The following SRRM1 variants were observed in gnomAD, a reference collection of about 807,000 sequenced individuals.
The protein encoded by SRRM1 is serine/arginine repetitive matrix protein 1.
SRRM1 carries 19 observed loss-of-function variants against 110.2 expected under a neutral mutation model. That is an observed-to-expected ratio of 0.17 (90% confidence interval 0.12 to 0.25). The LOEUF (loss-of-function observed/expected upper bound fraction) is 0.25. Among genes scored for constraint, SRRM1 ranks in the 10% least tolerant of loss-of-function variants. The probability of loss-of-function intolerance (pLI) is 1.00; values close to 1 mark genes in which losing one functional copy is unlikely to be tolerated. For synonymous variants in SRRM1, 443 were observed against 414.9 expected, an observed-to-expected ratio of 1.07 and a Z score of -0.82; for missense variants, 918 against 1,145.8, an observed-to-expected ratio of 0.80 and a Z score of 2.87.
intron 12 of SRRM1, among the ~76,000 whole-genome samples, chr1:24,664,690 C>T (rs1458604789): frequency 6.6e-6 from 1 of 152,154 alleles, no homozygotes; most frequent in Non-Finnish European, 1.5e-5. Context: ...GGGGTATTTA[C>T]ACTGTGGAGG....
Position 24,650,056 on chromosome 1 carries a change from A to G in SRRM1, c.491A>G (p.Glu164Gly). 1 of 1,591,104 alleles carries G rather than the reference A, an allele frequency of 6.3e-7. No individual in the cohort carries two copies. The highest frequency in any genetic ancestry group is 2.3e-5 in the East Asian group (1 of 44,442). ...RDKEEKESSR[E>G]KRERSRSPRR... ...AAGGAAGAAAAAGAAAGCAGCAGAG[A>G]AAAAAGGGAGCGGTCTCGTAGCCCA... Residue 164 changes from glutamate to glycine, a missense_variant, in exon 5 of 17, where the codon GAA becomes GGA. Coordinates refer to ENST00000323848, the MANE Select transcript of SRRM1 (RefSeq NM_005839.4).
Position 24,662,774 on chromosome 1 carries a change from C to T in SRRM1, c.1598C>T (p.Pro533Leu), listed in dbSNP as rs1414733710. 6.2e-7 allele frequency: 1 copy of T among 1,614,046 alleles called. No individual in the cohort carries two copies. Among genetic ancestry groups the T allele is most frequent in the Non-Finnish European group, 8.5e-7 (1 of 1,180,018 alleles). The change falls in exon 12 of 17, where the codon CCA becomes CTA. Residue 533 changes from proline (P) to leucine (L), a missense_variant. Pro to Leu is a moderately conservative substitution (Grantham distance 98, BLOSUM62 -3). Around this residue, in one of 5 missense-constraint regions of SRRM1, gnomAD observed 357 missense variants for 402.9 expected, o/e 0.89. Coordinates refer to ENST00000323848, the MANE Select transcript of SRRM1 (RefSeq NM_005839.4). ...HSPSRSASPS[P>L]RKRQKETSPR... ...CCTTCCCGGAGTGCTTCTCCATCAC[C>T]ACGAAAGCGCCAAAAAGAGACTTCC... is the stretch of plus-strand genomic sequence containing the variant.
intron 12 of SRRM1, chr1:24,663,015 A>G: frequency 7.8e-6 from 7 of 901,152 alleles, no homozygotes; most frequent in Admixed American, 3.0e-5. Flanking sequence ...TTAAACCACC[A>G]TGTCATATAT....
At chr1:24,657,618 G>A (rs1400218176) in intron 9 of SRRM1, among the ~76,000 whole-genome samples, 2 of 152,182 alleles carry the variant, frequency 1.3e-5, no homozygotes, top group African/African-American at 4.8e-5. Context: ...AAATGGAGTG[G>A]GAGGGAGGCA....
At chr1:24,667,963 C>CTTTT (rs1670814766) in intron 13 of SRRM1, among the ~76,000 whole-genome samples, 2 of 117,728 alleles carry the variant, frequency 1.7e-5, no homozygotes, top group Non-Finnish European at 3.4e-5. Context: ...CATGCTGCCA[C>CTTTT]TCTTTTTTTT....
intron 7 of SRRM1, 61 bp from the exon 8 acceptor site, chr1:24,652,852 C>CT: frequency 6.5e-7 from 1 of 1,533,536 alleles, no homozygotes; most frequent in Non-Finnish European, 8.8e-7. Flanking sequence ...ATTGAGAAAA[C>CT]TAAGCCAAGA....
At chr1:24,661,798 T>TA (rs1290060797) in intron 11 of SRRM1, among the ~76,000 whole-genome samples, 1 of 152,108 alleles carries the variant, frequency 6.6e-6, no homozygotes, top group Non-Finnish European at 1.5e-5. Context: ...CTTTCCCTAT[T>TA]AAAAATCTAG....
intron 3 of SRRM1, 57 bp downstream of exon 3, chr1:24,646,846 T>C: frequency 6.9e-7 from 1 of 1,454,154 alleles, no homozygotes; most frequent in Non-Finnish European, 9.2e-7. Context: ...TGTGAATCTT[T>C]GGAAACTGAA....
intron 9 of SRRM1, among the ~76,000 whole-genome samples, chr1:24,657,822 G>A (rs1297864104): frequency 2.6e-5 from 4 of 152,294 alleles, no homozygotes; most frequent in African/African-American, 7.2e-5. Context: ...GGTGGTGACG[G>A]TGTGGTAATT....
rs879034638 is a variant in SRRM1, at chr1:24,662,943, C to CTGTTT, written c.1628+151_1628+155dup. 35 of 1,251,808 alleles carry CTGTTT rather than the reference C, an allele frequency of 2.8e-5. No individual in the cohort carries two copies. The Admixed American group carries it at 8.0e-4, about 29-fold the overall frequency. 77.5% of individuals were successfully genotyped at this position (1,251,808 alleles called of 1,614,324 possible). On this transcript the variant is annotated intron_variant, in intron 12 of 16. Transcript: ENST00000323848. ...GATTTTTGTTTGCTTTTTAGGGTTT[C>CTGTTT]TGTTTTGTTTTGTTTTTGCTTTATT...
intron 12 of SRRM1, chr1:24,663,036 T>C: frequency 1.1e-6 from 1 of 932,338 alleles, no homozygotes; most frequent in Non-Finnish European, 1.6e-6. Context: ...GTGTGCATGA[T>C]TAGAAAAATA....
intron 1 of SRRM1, among the ~76,000 whole-genome samples, chr1:24,644,434 T>C (rs1234323308): frequency 6.6e-6 from 1 of 152,234 alleles, no homozygotes; most frequent in African/African-American, 2.4e-5. Flanking sequence ...CTCTTCTCTT[T>C]AGAGCATGTA....
At chr1:24,646,932 C>A in intron 3 of SRRM1, 143 bp downstream of exon 3, 1 of 633,410 alleles carries the variant, frequency 1.6e-6, no homozygotes, top group Non-Finnish European at 2.5e-6. Flanking sequence ...TTGTAAACAA[C>A]TATTAAGGCT....
At position 24,670,233 on chromosome 1, in the gene SRRM1, C is replaced by G. The variant is rs200488866; in HGVS notation, c.2318C>G (p.Ser773Cys). The change falls in exon 15 of 17, where the codon TCT becomes TGT. Residue 773 changes from serine to cysteine, a missense_variant. Ser to Cys is a moderately radical substitution (Grantham distance 112). This residue lies in a region of SRRM1 where 357 missense variants were observed against 402.9 expected (regional missense o/e 0.89). Transcript: ENST00000323848. ...CCAGCACCTCCATCCCCCGTCCAGT[C>G]TCAGTCACCGTCTACAAACTGGTCA... ...KPPAPPSPVQSQSPSTNWSPA... is the reference protein window; with the variant it reads ...KPPAPPSPVQCQSPSTNWSPA... 4.5e-5 allele frequency: 72 copies of G among 1,614,150 alleles called. No homozygotes were observed. In the Admixed American group the frequency reaches 9.8e-4, roughly 22 times the overall value.
intron 11 of SRRM1, among the ~76,000 whole-genome samples, chr1:24,661,788 C>T (rs368944549): frequency 1.3e-5 from 2 of 152,152 alleles, no homozygotes; most frequent in South Asian, 2.1e-4. Context: ...TTTAGAACAT[C>T]TTTCCCTATT....
At chr1:24,657,883 T>TA (rs1665057056) in intron 9 of SRRM1, among the ~76,000 whole-genome samples, 1 of 152,218 alleles carries the variant, frequency 6.6e-6, no homozygotes, top group Non-Finnish European at 1.5e-5. Context: ...TCTGGACACT[T>TA]AAATGGTTAT....
chr1:24,651,496 C>T lies in SRRM1; in HGVS notation c.609C>T (p.His203=). The T allele has an allele frequency of 6.2e-7, 1 of 1,614,172 alleles. No individual in the cohort carries two copies. The highest frequency in any genetic ancestry group is 1.1e-5 in the South Asian group (1 of 91,086). ...GCAGTCATTCTCGATCTCCCCGTCACAGAACCAAGAGCCGGAGTCCTTCCC... is the reference window on the plus strand; with the variant it reads ...GCAGTCATTCTCGATCTCCCCGTCATAGAACCAAGAGCCGGAGTCCTTCCC... ...RKRSHSRSPR[H]RTKSRSPSPA... Residue 203 remains histidine, a synonymous_variant, in exon 6 of 17, where the codon CAC becomes CAT. Coordinates refer to ENST00000323848, the MANE Select transcript of SRRM1 (RefSeq NM_005839.4).
At chr1:24,643,662 C>T in intron 1 of SRRM1, 1 of 370,934 alleles carries the variant, frequency 2.7e-6, no homozygotes, top group Non-Finnish European at 4.8e-6. Context: ...GCCGTGCGTG[C>T]CGCCGGGTCC....
intron 10 of SRRM1, chr1:24,661,013 C>G: frequency 1.9e-6 from 1 of 536,074 alleles, no homozygotes; most frequent in Non-Finnish European, 3.3e-6. Flanking sequence ...AGCCTTTCTT[C>G]TTTCATCTCC....
Sources: allele counts gnomAD v4.1 joint callset (sites outside exome capture counted in the v4.1 genomes callset), GRCh38; gene constraint gnomAD v4.1.1; regional missense constraint gnomAD v4.1.1; transcripts MANE v1.5; gene names NCBI Gene and HGNC (gene_info 2026-07-23, HGNC 2026-07-21).